The following DERL1 variants were observed in gnomAD, a reference collection of about 807,000 sequenced individuals.
The protein encoded by DERL1 is derlin 1.
DERL1 carries 24 observed loss-of-function variants against 41.6 expected under a neutral mutation model. That is an observed-to-expected ratio of 0.58 (90% confidence interval 0.42 to 0.81). DERL1 has a LOEUF of 0.81. Among genes scored for constraint, DERL1 ranks in the 30% least tolerant of loss-of-function variants. The pLI, the probability that DERL1 is intolerant of heterozygous loss-of-function variation, is 0.00. For synonymous variants in DERL1, 124 were observed against 112.5 expected (o/e 1.10, Z -0.65); for missense variants, 260 against 314.3 (o/e 0.83, Z 1.31).
At chr8:123,023,867 C>G in intron 3 of DERL1, 128 bp from the exon 4 acceptor site, 1 of 1,026,000 alleles carries the variant, frequency 9.7e-7, no homozygotes. Context: ...CTTGTAATCT[C>G]TGTACTTTGG....
At position 123,041,954 on chromosome 8, in the gene DERL1, C is replaced by G. The variant is rs753420198; in HGVS notation, c.153+16G>C. 6 of 1,596,520 alleles carry G rather than the reference C, an allele frequency of 3.8e-6. No individual in the cohort carries two copies. The highest frequency in any genetic ancestry group is 1.1e-5 in the South Asian group (1 of 89,300). ...TGGGGCCTGTAGTCTCCACGCCCCC[C>G]GTCTCCGGTAAGTACCTGAAAGCGA... On this transcript the variant is annotated intron_variant, in intron 1 of 7. Coordinates refer to ENST00000259512, the MANE Select transcript of DERL1 (RefSeq NM_024295.6).
At chr8:123,032,281 T>C (rs1010040302) in intron 1 of DERL1, among the ~76,000 whole-genome samples, 2 of 151,992 alleles carry the variant, frequency 1.3e-5, no homozygotes, top group African/African-American at 2.4e-5. Flanking sequence ...ACTACCAGCA[T>C]GCACCACCAC....
intron 7 of DERL1, 45 bp from the exon 8 acceptor site, chr8:123,015,630 G>C (rs1312559956): frequency 6.3e-7 from 1 of 1,575,782 alleles, no homozygotes; most frequent in East Asian, 2.3e-5. Context: ...AGAGAACAAA[G>C]TCACTTCCAC....
intron 2 of DERL1, chr8:123,030,383 C>G: frequency 2.7e-6 from 1 of 377,346 alleles, no homozygotes; most frequent in South Asian, 3.7e-5. Context: ...CTTTTTGCAT[C>G]TATAAAATGG....
chr8:123,026,318 G>T (rs1563631925), intron 2 of DERL1, among the ~76,000 whole-genome samples: 1 of 152,132 alleles, frequency 6.6e-6, no homozygotes, highest in Non-Finnish European at 1.5e-5. Flanking sequence ...CTTTTGATGT[G>T]GCTTTGGCTG....
rs943520827 is a variant in DERL1, at chr8:123,014,648, T to C, written c.*799A>G. 2 of 150,130 alleles carry C rather than the reference T, an allele frequency of 1.3e-5. No individual in the cohort carries two copies. The highest frequency in any genetic ancestry group is 3.0e-5 in the Non-Finnish European group (2 of 67,540). The allele number at this position is 150,130 out of a possible 1,614,324, so 9.3% of individuals were successfully genotyped here. A position where few individuals can be genotyped will look rare whatever the true frequency, so the allele number is the denominator to read the frequency against. On this transcript the variant is annotated 3_prime_UTR_variant, in exon 8 of 8. Transcript: ENST00000259512. ...GGCCTACATATGAAACGCAAAGGGGTTGCATCCCCCATGGTTTAAACCTAA... is the reference window on the plus strand; with the variant it reads ...GGCCTACATATGAAACGCAAAGGGGCTGCATCCCCCATGGTTTAAACCTAA...
At chr8:123,022,644 G>T in intron 5 of DERL1, 40 bp downstream of exon 5, 2 of 1,583,718 alleles carry the variant, frequency 1.3e-6, no homozygotes, top group South Asian at 1.1e-5. Flanking sequence ...GATTTCTGCA[G>T]ACAAATGAAA....
At chr8:123,038,752 T>C (rs759474328) in intron 1 of DERL1, among the ~76,000 whole-genome samples, 3 of 152,098 alleles carry the variant, frequency 2.0e-5, no homozygotes, top group Non-Finnish European at 2.9e-5. Flanking sequence ...TGACCACACA[T>C]TACCCAACAA....
intron 1 of DERL1, 69 bp downstream of exon 1, chr8:123,041,901 G>A: frequency 2.0e-6 from 3 of 1,485,704 alleles, no homozygotes; most frequent in Admixed American, 4.8e-5. Context: ...CAACATGCCA[G>A]CCTACGCTTA....
At chr8:123,033,455 G>C (rs1812858719) in intron 1 of DERL1, among the ~76,000 whole-genome samples, 1 of 152,092 alleles carries the variant, frequency 6.6e-6, no homozygotes, top group Admixed American at 6.6e-5. Flanking sequence ...ATTGAAAATT[G>C]AGCTTCGGCC....
At chr8:123,028,570 A>G (rs1471842916) in intron 2 of DERL1, among the ~76,000 whole-genome samples, 1 of 152,178 alleles carries the variant, frequency 6.6e-6, no homozygotes, top group African/African-American at 2.4e-5. Flanking sequence ...AGACCACTGA[A>G]TTGTACACCT....
At chr8:123,027,595 A>T (rs74894284) in intron 2 of DERL1, among the ~76,000 whole-genome samples, 1 of 152,174 alleles carries the variant, frequency 6.6e-6, no homozygotes, top group Non-Finnish European at 1.5e-5. Flanking sequence ...GTAGGGAATG[A>T]GGAGGCAACT....
intron 1 of DERL1, among the ~76,000 whole-genome samples, chr8:123,032,858 A>G (rs1012890038): frequency 1.7e-5 from 2 of 119,934 alleles, no homozygotes; most frequent in East Asian, 4.8e-4. Flanking sequence ...TTTAATTTCT[A>G]TTTTCTTTTT....
At chr8:123,031,011 A>T (rs1025235297) in intron 1 of DERL1, among the ~76,000 whole-genome samples, 1 of 152,248 alleles carries the variant, frequency 6.6e-6, no homozygotes, top group Non-Finnish European at 1.5e-5. Flanking sequence ...GAGATCAGGC[A>T]TACAATTAAG....
intron 1 of DERL1, among the ~76,000 whole-genome samples, chr8:123,030,981 G>C (rs184472434): frequency 3.9e-5 from 6 of 152,178 alleles, no homozygotes; most frequent in African/African-American, 1.4e-4. Flanking sequence ...TACTATATGA[G>C]TATATGGTTA....
chr8:123,025,134 A>G, intron 2 of DERL1, 84 bp from the exon 3 acceptor site: 1 of 1,426,242 alleles, frequency 7.0e-7, no homozygotes, highest in African/African-American at 1.4e-5. Context: ...TCAAAAAGTT[A>G]CAGAAAAAGC....
intron 6 of DERL1, 74 bp downstream of exon 6, chr8:123,021,373 G>A (rs971570477): frequency 7.3e-7 from 1 of 1,364,370 alleles, no homozygotes; most frequent in Non-Finnish European, 1.0e-6. Context: ...TTGTATAAAG[G>A]TTAGAGAAAG....
At chr8:123,032,326 G>C (rs990936499) in intron 1 of DERL1, among the ~76,000 whole-genome samples, 1 of 151,966 alleles carries the variant, frequency 6.6e-6, no homozygotes, top group African/African-American at 2.4e-5. Context: ...GTAGATACAG[G>C]GTCTCCTGAT....
intron 6 of DERL1, among the ~76,000 whole-genome samples, chr8:123,019,678 T>C (rs1814705595): frequency 2.6e-5 from 4 of 152,142 alleles, no homozygotes; most frequent in Admixed American, 2.6e-4. Flanking sequence ...TGGGCAAACA[T>C]GAAGGCTACC....
Sources: allele counts gnomAD v4.1 joint callset (sites outside exome capture counted in the v4.1 genomes callset), GRCh38; gene constraint gnomAD v4.1.1; transcripts MANE v1.5; gene names NCBI Gene and HGNC (gene_info 2026-07-23, HGNC 2026-07-21).